SLC22A9: variants seen among roughly 807,000 people sequenced by gnomAD.
SLC22A9 encodes organic anion transporter 7.
A neutral mutation model predicts 50.1 loss-of-function variants in SLC22A9; 64 were observed. The observed-to-expected ratio is 1.28, with a 90% CI of 1.04 to 1.57. SLC22A9 has a LOEUF of 1.57. Ranked by LOEUF, SLC22A9 falls within the 40% of genes most tolerant of loss-of-function variation. The probability of loss-of-function intolerance (pLI) is 0.00; values close to 1 mark genes in which losing one functional copy is unlikely to be tolerated. For missense variants in SLC22A9, 757 were observed against 676.1 expected (o/e 1.12, Z -1.33); for synonymous variants, 261 against 242.5 (o/e 1.08, Z -0.71).
rs560455427 is a variant in SLC22A9 at position 63,408,336 on chromosome 11, C to A, written c.1397+116C>A. 7.1e-5 allele frequency: 59 copies of A among 831,030 alleles called. No homozygotes were observed. In the African/African-American group the frequency reaches 9.5e-4, roughly 13 times the overall value. 51.5% of individuals were successfully genotyped at this position (831,030 alleles called of 1,614,324 possible). A position where few individuals can be genotyped will look rare whatever the true frequency, so the allele number is the denominator to read the frequency against. On this transcript the variant is annotated intron_variant, in intron 8 of 9. Transcript: ENST00000279178. The stretch of plus-strand genomic sequence containing the variant: ...CATTAAGAAAATAAATCATAACAGT[C>A]ATAAACACAAATAATTATAGACCAA...
intron 8 of SLC22A9, 24 bp downstream of exon 8, chr11:63,408,244 G>A: frequency 6.3e-7 from 1 of 1,579,450 alleles, no homozygotes; most frequent in South Asian, 1.1e-5. Flanking sequence ...AGTATGCCCT[G>A]TCAGGTTCAA....
At chr11:63,388,163 T>C (rs949415748) in intron 6 of SLC22A9, among the ~76,000 whole-genome samples, 8 of 152,156 alleles carry the variant, frequency 5.3e-5, no homozygotes, top group Admixed American at 2.6e-4. Flanking sequence ...CCTTGATTTC[T>C]TTCTCTTCTC....
chr11:63,371,262 CTCTT>C, intron 2 of SLC22A9, 24 bp downstream of exon 2: 1 of 1,519,522 alleles, frequency 6.6e-7, no homozygotes, highest in Non-Finnish European at 9.1e-7. Context: ...GAACACAGCT[CTCTT>C]TAAGGGCATT....
intron 6 of SLC22A9, among the ~76,000 whole-genome samples, chr11:63,400,646 A>T (rs553291218): frequency 1.3e-5 from 2 of 152,260 alleles, no homozygotes; most frequent in Admixed American, 6.5e-5. Flanking sequence ...AGGTGGGAAT[A>T]CTTCCAAACT....
chr11:63,395,489 T>G (rs770112324), intron 6 of SLC22A9, among the ~76,000 whole-genome samples: 2 of 152,158 alleles, frequency 1.3e-5, no homozygotes, highest in Non-Finnish European at 2.9e-5. Flanking sequence ...GTTATCTTGC[T>G]TCTGGATCTA....
At position 63,384,991 on chromosome 11, in the gene SLC22A9, G is replaced by A. The variant is rs115917698; in HGVS notation, c.1073+2714G>A. 3.5e-3 allele frequency among the ~76,000 whole-genome samples: 527 copies of A among 148,892 alleles called. 4 individuals carry two copies. Among genetic ancestry groups the A allele is most frequent in the African/African-American group, 0.013 (509 of 40,582 alleles). ...GCCCACTTTTCAATGGAGTTTTTTT[G>A]TTTTTTCCTTGTAAATTTAAGTTCC... is the stretch of plus-strand genomic sequence containing the variant. On this transcript the variant is annotated intron_variant, in intron 6 of 9. Coordinates refer to ENST00000279178, the MANE Select transcript of SLC22A9 (RefSeq NM_080866.3).
chr11:63,376,901 T>G (rs949007582), intron 5 of SLC22A9, among the ~76,000 whole-genome samples: 1 of 151,984 alleles, frequency 6.6e-6, no homozygotes, highest in African/African-American at 2.4e-5. Flanking sequence ...GGGATGCAAT[T>G]CTAATTTCAG....
chr11:63,404,267 C>A (rs771387243), intron 6 of SLC22A9, among the ~76,000 whole-genome samples: 3 of 151,714 alleles, frequency 2.0e-5, no homozygotes, highest in Non-Finnish European at 2.9e-5. Context: ...AAAAAAAAGT[C>A]AACTCATAGA....
chr11:63,374,131 C>T, intron 4 of SLC22A9, 69 bp downstream of exon 4: 8 of 1,429,558 alleles, frequency 5.6e-6, no homozygotes, highest in Non-Finnish European at 6.5e-6. Context: ...ACTAGGACAC[C>T]TGAATTTCTT....
chr11:63,393,154 T>C (rs1453518471), intron 6 of SLC22A9, among the ~76,000 whole-genome samples: 1 of 152,154 alleles, frequency 6.6e-6, no homozygotes, highest in Non-Finnish European at 1.5e-5. Context: ...GTGTCATCCA[T>C]GATTTCTTTC....
chr11:63,370,482 A>G (rs1428007993), intron 1 of SLC22A9, 24 bp downstream of exon 1: 1 of 1,541,728 alleles, frequency 6.5e-7, no homozygotes, highest in Non-Finnish European at 8.7e-7. Flanking sequence ...TTCTCGTCTC[A>G]TGAGTATGTG....
intron 2 of SLC22A9, among the ~76,000 whole-genome samples, chr11:63,371,579 G>A (rs1198933683): frequency 6.6e-6 from 1 of 152,162 alleles, no homozygotes; most frequent in Non-Finnish European, 1.5e-5. Flanking sequence ...TTGGCCAGGA[G>A]TACCAGGTCC....
rs1223641958 is a variant in SLC22A9 at position 63,382,233 on chromosome 11, C to A, written c.1029C>A (p.His343Gln). ...KKKPSLCEML[H>Q]MPNICKRISL... ...AACCTTCTCTGTGTGAAATGCTCCACATGCCCAACATATGTAAAAGGATCT... is the reference window on the plus strand; with the variant it reads ...AACCTTCTCTGTGTGAAATGCTCCAAATGCCCAACATATGTAAAAGGATCT... The change falls in exon 6 of 10, where the codon CAC (histidine) becomes CAA (glutamine). Residue 343 changes from histidine (H) to glutamine (Q), a missense_variant. By Grantham distance (24) the His-to-Gln change is conservative. Transcript: ENST00000279178. 6.2e-7 allele frequency: 1 copy of A among 1,609,954 alleles called. No individual in the cohort carries two copies.
At chr11:63,399,887 G>T (rs2014924503) in intron 6 of SLC22A9, among the ~76,000 whole-genome samples, 1 of 151,888 alleles carries the variant, frequency 6.6e-6, no homozygotes, top group Admixed American at 6.6e-5. Flanking sequence ...AAGGAACTTT[G>T]AAAAATATAC....
At chr11:63,388,597 G>A (rs1486206593) in intron 6 of SLC22A9, among the ~76,000 whole-genome samples, 2 of 151,660 alleles carry the variant, frequency 1.3e-5, no homozygotes, top group Non-Finnish European at 2.9e-5. Context: ...GAAGATTTTT[G>A]CATCAATGTT....
chr11:63,404,312 G>C lies in SLC22A9; in HGVS notation c.1074-2185G>C, dbSNP rs542296737. Among the ~76,000 whole-genome samples the C allele has an allele frequency of 2.0e-5, 3 of 152,152 alleles. No homozygotes were observed. The East Asian group carries it at 5.8e-4, about 29-fold the overall frequency. The stretch of plus-strand genomic sequence containing the variant: ...TAGGATAGTGGTTTTCAGGGACAGC[G>C]GACAGAGGGGAATAGGGAGTTGTCA... On this transcript the variant is annotated intron_variant, in intron 6 of 9. Coordinates refer to ENST00000279178, the MANE Select transcript of SLC22A9 (RefSeq NM_080866.3).
Position 63,373,802 on chromosome 11 carries a change from A to T in SLC22A9, c.661+4A>T. 1 of 1,606,614 alleles carries T rather than the reference A, an allele frequency of 6.2e-7. No homozygotes were observed. The highest frequency in any genetic ancestry group is 8.5e-7 in the Non-Finnish European group (1 of 1,176,266). On this transcript the variant is annotated splice_donor_region_variant and intron_variant, in intron 3 of 9. Transcript: ENST00000279178. ...ATAACAAATACTATTATGTTAAGTA[A>T]GCCAACACTTTGGATCCACATTTTC...
chr11:63,383,874 C>A (rs1351865072), intron 6 of SLC22A9, among the ~76,000 whole-genome samples: 1 of 151,958 alleles, frequency 6.6e-6, no homozygotes, highest in Non-Finnish European at 1.5e-5. Context: ...CATAGTGAAA[C>A]CCTGTCTCTA....
At chr11:63,381,899 C>T (rs2014568656) in intron 5 of SLC22A9, among the ~76,000 whole-genome samples, 1 of 152,214 alleles carries the variant, frequency 6.6e-6, no homozygotes, top group African/African-American at 2.4e-5. Flanking sequence ...CTCTAACATA[C>T]ATACCCTTTT....
Sources: gnomAD v4.1 joint callset for allele counts (sites outside exome capture counted in the v4.1 genomes callset) on GRCh38, gnomAD v4.1.1 for gene constraint, MANE v1.5 for transcripts, NCBI Gene and HGNC (gene_info 2026-07-23, HGNC 2026-07-21) for gene names.